Variants in THEMIS observed in about 807,000 individuals in gnomAD.
THEMIS encodes protein THEMIS.
THEMIS carries 37 observed loss-of-function variants against 52.6 expected under a neutral mutation model. The ratio of observed to expected loss-of-function variants is 0.70; its 90% CI spans 0.54 to 0.93. The LOEUF is 0.93. Ranked by LOEUF, THEMIS falls within the 40% of genes least tolerant of loss-of-function variation. The probability of loss-of-function intolerance (pLI) is 0.00; values close to 1 mark genes in which losing one functional copy is unlikely to be tolerated. For missense variants in THEMIS, 808 were observed against 763.1 expected, an observed-to-expected ratio of 1.06 and a Z score of -0.69; for synonymous variants, 292 against 272.7, an observed-to-expected ratio of 1.07 and a Z score of -0.70.
At chr6:127,835,212 C>G (rs1213353247) in intron 2 of THEMIS, among the ~76,000 whole-genome samples, 1 of 152,062 alleles carries the variant, frequency 6.6e-6, no homozygotes, top group Non-Finnish European at 1.5e-5. Context: ...TTTGCTGTTC[C>G]TAGCCCTAGG....
At chr6:127,891,135 C>T (rs2114470740) in intron 1 of THEMIS, among the ~76,000 whole-genome samples, 1 of 152,240 alleles carries the variant, frequency 6.6e-6, no homozygotes, top group Admixed American at 6.5e-5. Flanking sequence ...CTTCATGACT[C>T]TGTCAAATAC....
intron 2 of THEMIS, among the ~76,000 whole-genome samples, chr6:127,853,055 C>T (rs1779484664): frequency 6.6e-6 from 1 of 151,538 alleles, no homozygotes; most frequent in African/African-American, 2.4e-5. Flanking sequence ...AGATTCTAGT[C>T]ATTTTAACTT....
chr6:127,812,843 A>G, intron 4 of THEMIS, 40 bp downstream of exon 4: 3 of 1,519,536 alleles, frequency 2.0e-6, no homozygotes, highest in Non-Finnish European at 1.8e-6. Flanking sequence ...TGCCTGAAGG[A>G]ACACACTCCA....
At chr6:127,869,925 C>G (rs931947862) in intron 1 of THEMIS, among the ~76,000 whole-genome samples, 7 of 152,152 alleles carry the variant, frequency 4.6e-5, no homozygotes, top group African/African-American at 1.7e-4. Flanking sequence ...CCAATAAAGG[C>G]TGAATAGAGA....
chr6:127,738,047 T>C (rs77071915), intron 4 of THEMIS, among the ~76,000 whole-genome samples: 2,620 of 152,256 alleles, frequency 0.017, 65 homozygotes, highest in African/African-American at 0.059. Flanking sequence ...GTTCTACTTA[T>C]AACTAATAGA....
intron 4 of THEMIS, among the ~76,000 whole-genome samples, chr6:127,723,667 T>C (rs1469757647): frequency 6.6e-6 from 1 of 152,032 alleles, no homozygotes; most frequent in Admixed American, 6.6e-5. Flanking sequence ...TTCCTTCCTG[T>C]CTGAAGGCTT....
chr6:127,721,340 G>C (rs965583432), intron 4 of THEMIS, among the ~76,000 whole-genome samples: 1 of 151,984 alleles, frequency 6.6e-6, no homozygotes, highest in African/African-American at 2.4e-5. Flanking sequence ...GTATGCTGAC[G>C]GATAACTGGT....
intron 2 of THEMIS, among the ~76,000 whole-genome samples, chr6:127,854,559 G>C (rs905417072): frequency 1.3e-5 from 2 of 151,704 alleles, no homozygotes; most frequent in African/African-American, 4.8e-5. Context: ...GGAGGGCTGA[G>C]TAGAGTCAAT....
Position 127,719,695 on chromosome 6 carries a change from T to G in THEMIS, c.1887A>C (p.Ala629=), listed in dbSNP as rs1377904036. ...EKERSNRGAT[A]IAETFKNEKH... ...CTATAGTCACATCAGTACCTGCTAT[T>G]GCTGTGGCCCCACGGTTGCTCCTTT... The change falls in exon 5 of 6, where the codon GCA becomes GCC. Residue 629 remains alanine, a synonymous_variant. Coordinates refer to ENST00000368248, the MANE Select transcript of THEMIS (RefSeq NM_001010923.3). 27 of 1,611,038 alleles carry G rather than the reference T, an allele frequency of 1.7e-5. No homozygotes were observed. Among genetic ancestry groups the G allele is most frequent in the Non-Finnish European group, 2.3e-5 (27 of 1,178,412 alleles).
intron 3 of THEMIS, among the ~76,000 whole-genome samples, chr6:127,821,118 C>A (rs917226503): frequency 1.3e-5 from 2 of 151,330 alleles, no homozygotes; most frequent in Non-Finnish European, 3.0e-5. Context: ...TAGACAACAA[C>A]GGCTTATATT....
chr6:127,835,263 G>C (rs1202051611), intron 2 of THEMIS, among the ~76,000 whole-genome samples: 1 of 152,122 alleles, frequency 6.6e-6, no homozygotes, highest in East Asian at 1.9e-4. Context: ...GGCCCTAGGT[G>C]ATTTTGGGCA....
chr6:127,858,430 C>T (rs1327933004), intron 1 of THEMIS, among the ~76,000 whole-genome samples: 1 of 152,002 alleles, frequency 6.6e-6, no homozygotes, highest in Non-Finnish European at 1.5e-5. Flanking sequence ...TCAGAGATGT[C>T]CAGCACTAGA....
chr6:127,783,216 T>C (rs1776808471), intron 4 of THEMIS, among the ~76,000 whole-genome samples: 1 of 152,182 alleles, frequency 6.6e-6, no homozygotes, highest in Admixed American at 6.5e-5. Context: ...ACCCATTCCT[T>C]ACACTTCATA....
intron 1 of THEMIS, among the ~76,000 whole-genome samples, chr6:127,875,203 G>C (rs537314536): frequency 6.6e-6 from 1 of 152,312 alleles, no homozygotes; most frequent in South Asian, 2.1e-4. Flanking sequence ...AGATACATGG[G>C]ATCTCTTTGT....
chr6:127,897,435 T>C (rs1039502754), intron 1 of THEMIS, among the ~76,000 whole-genome samples: 4 of 151,056 alleles, frequency 2.6e-5, no homozygotes, highest in African/African-American at 9.7e-5. Context: ...ATAAACTCCA[T>C]CAAATCAATA....
chr6:127,830,577 T>C (rs969217527), intron 2 of THEMIS, among the ~76,000 whole-genome samples: 1 of 151,846 alleles, frequency 6.6e-6, no homozygotes, highest in Non-Finnish European at 1.5e-5. Context: ...TCCCAGCTAC[T>C]TGGGAGGCTG....
intron 4 of THEMIS, among the ~76,000 whole-genome samples, chr6:127,806,652 T>C (rs369718211): frequency 3.3e-5 from 5 of 152,332 alleles, no homozygotes; most frequent in Admixed American, 2.0e-4. Context: ...AATCAGGTGA[T>C]ATTTGCGAAT....
intron 4 of THEMIS, among the ~76,000 whole-genome samples, chr6:127,762,203 A>T (rs1776045191): frequency 6.6e-6 from 1 of 152,146 alleles, no homozygotes; most frequent in Admixed American, 6.6e-5. Flanking sequence ...ATCTAAAACT[A>T]GGCAAATTCA....
intron 5 of THEMIS, among the ~76,000 whole-genome samples, chr6:127,710,219 G>T (rs1773929085): frequency 6.6e-6 from 1 of 151,680 alleles, no homozygotes; most frequent in Non-Finnish European, 1.5e-5. Context: ...CAGAAACAAG[G>T]TAGATACTTG....
Sources: gnomAD v4.1 joint callset for allele counts (sites outside exome capture counted in the v4.1 genomes callset) on GRCh38, gnomAD v4.1.1 for gene constraint, MANE v1.5 for transcripts, NCBI Gene and HGNC (gene_info 2026-07-23, HGNC 2026-07-21) for gene names.